PRKCH: variants seen among roughly 807,000 people sequenced by gnomAD.
The protein encoded by PRKCH is protein kinase C eta type.
PRKCH carries 28 observed loss-of-function variants against 82.5 expected under a neutral mutation model. That is an observed-to-expected ratio of 0.34 (90% CI 0.25 to 0.47). The LOEUF (loss-of-function observed/expected upper bound fraction) is 0.47, where lower values mean the gene tolerates loss of function less well. PRKCH is among the 20% of genes least tolerant of loss of function. PRKCH has a pLI of 1.00. For missense variants in PRKCH, 705 were observed against 881.8 expected (o/e 0.80, Z 2.54); for synonymous variants, 322 against 327.4 (o/e 0.98, Z 0.18).
chr14:61,224,478 C>T (rs2044680432), intron 1 of PRKCH, among the ~76,000 whole-genome samples: 1 of 152,132 alleles, frequency 6.6e-6, no homozygotes, highest in South Asian at 2.1e-4. Context: ...TCTTCTTTGG[C>T]TCCTTTTTGC....
intron 1 of PRKCH, chr14:61,305,217 C>T (rs985107999): frequency 3.3e-5 from 5 of 152,118 alleles, no homozygotes; most frequent in African/African-American, 1.2e-4. Context: ...GGGTCTCACT[C>T]TGTCCAGCAC....
chr14:61,363,252 G>A (rs1014967198), intron 1 of PRKCH, among the ~76,000 whole-genome samples: 5 of 152,172 alleles, frequency 3.3e-5, no homozygotes. Context: ...AGCTGATGGG[G>A]AACTGTTGAA....
rs779772715 is a variant in PRKCH, at chr14:61,457,158, G to A, written c.961-18G>A. ...CTTCTGCTGCAATTTCTGACTTAATGTGTTCTTACTCTTTCAGAAACTCGT... is the reference window on the plus strand; with the variant it reads ...CTTCTGCTGCAATTTCTGACTTAATATGTTCTTACTCTTTCAGAAACTCGT... On this transcript the variant is annotated intron_variant, in intron 7 of 13. Coordinates refer to ENST00000332981, the MANE Select transcript of PRKCH (RefSeq NM_006255.5). 7.4e-6 allele frequency: 12 copies of A among 1,612,752 alleles called. No individual in the cohort carries two copies. In the Admixed American group the frequency reaches 2.0e-4, roughly 27 times the overall value.
At chr14:61,478,432 T>G (rs1314759443) in intron 9 of PRKCH, among the ~76,000 whole-genome samples, 1 of 152,106 alleles carries the variant, frequency 6.6e-6, no homozygotes, top group Non-Finnish European at 1.5e-5. Context: ...GTGGTACCAA[T>G]AGCTTCTATT....
intron 1 of PRKCH, among the ~76,000 whole-genome samples, chr14:61,345,491 C>T (rs2045980463): frequency 6.6e-6 from 1 of 152,186 alleles, no homozygotes; most frequent in African/African-American, 2.4e-5. Flanking sequence ...TAGCTGTGAA[C>T]TGTGCATTAA....
chr14:61,341,895 A>C (rs2045933743), intron 1 of PRKCH, among the ~76,000 whole-genome samples: 1 of 152,316 alleles, frequency 6.6e-6, no homozygotes, highest in African/African-American at 2.4e-5. Context: ...TCATGAGTTC[A>C]GAGGCTTTGT....
intron 1 of PRKCH, among the ~76,000 whole-genome samples, chr14:61,222,339 T>TATTTATTATTTATTTGTTA (rs2044662382): frequency 6.6e-6 from 1 of 152,234 alleles, no homozygotes; most frequent in African/African-American, 2.4e-5. Context: ...TAGTGTGTGT[T>TATTTATTATTTATTTGTTA]TTTGTTATTT....
chr14:61,414,368 G>A (rs1004050954), intron 2 of PRKCH, among the ~76,000 whole-genome samples: 1 of 151,552 alleles, frequency 6.6e-6, no homozygotes, highest in Non-Finnish European at 1.5e-5. Context: ...CGCCTCCCAG[G>A]TTCAAGCTAC....
chr14:61,200,768 T>TA (rs1449726615), intron 1 of PRKCH, among the ~76,000 whole-genome samples: 2 of 124,726 alleles, frequency 1.6e-5, no homozygotes, highest in African/African-American at 6.8e-5. Flanking sequence ...TATTGTTAAG[T>TA]GTTCTATTTT....
At chr14:61,536,496 A>G (rs2043111383) in intron 12 of PRKCH, among the ~76,000 whole-genome samples, 1 of 152,040 alleles carries the variant, frequency 6.6e-6, no homozygotes, top group African/African-American at 2.4e-5. Flanking sequence ...CTCTCTCTAC[A>G]GTCTTAGTGT....
At position 61,322,418 on chromosome 14, in the gene PRKCH, A is replaced by C; in HGVS notation, c.317A>C (p.Gln106Pro). ...GTGGCCAACTGCACCCTGCAGTTCC[A>C]GGAGCTGCTGCGCACGACCGGCGCC... ...HFVANCTLQFQELLRTTGASD... is the reference protein window; with the variant it reads ...HFVANCTLQFPELLRTTGASD... The change falls in exon 1 of 14, where the codon CAG (glutamine) becomes CCG (proline). Residue 106 changes from glutamine (Q) to proline (P), a missense_variant. Coordinates refer to ENST00000332981, the MANE Select transcript of PRKCH (RefSeq NM_006255.5). The C allele has an allele frequency of 1.1e-5, 18 of 1,602,556 alleles. No homozygotes were observed. Among genetic ancestry groups the C allele is most frequent in the Non-Finnish European group, 1.5e-5 (18 of 1,170,888 alleles).
At chr14:61,325,525 G>A (rs1188980739) in intron 1 of PRKCH, among the ~76,000 whole-genome samples, 2 of 152,112 alleles carry the variant, frequency 1.3e-5, no homozygotes, top group East Asian at 3.8e-4. Flanking sequence ...ACTTCTATAA[G>A]AAAACAAAAT....
At position 61,500,802 on chromosome 14, in the gene PRKCH, G is replaced by A. The variant is rs114192788; in HGVS notation, c.1433+15146G>A. ...GTGAATTACCAAAGATGAAACATGGGCTGAGCACGGGGGTGGGATGGGGGA... is the reference window on the plus strand; with the variant it reads ...GTGAATTACCAAAGATGAAACATGGACTGAGCACGGGGGTGGGATGGGGGA... On this transcript the variant is annotated intron_variant, in intron 10 of 13. Transcript: ENST00000332981. Among the ~76,000 whole-genome samples the A allele has an allele frequency of 2.2e-3, 334 of 152,196 alleles. 3 individuals carry two copies. The highest frequency in any genetic ancestry group is 7.7e-3 in the African/African-American group (321 of 41,470).
At chr14:61,484,291 C>CTTTTTTTTTTTTTT (rs71449556) in intron 9 of PRKCH, among the ~76,000 whole-genome samples, 1 of 86,382 alleles carries the variant, frequency 1.2e-5, no homozygotes, top group African/African-American at 4.5e-5. Context: ...GCTTGTGTCA[C>CTTTTTTTTTTTTTT]TTTTTTTTTT....
chr14:61,418,548 G>A (rs1200344531), intron 2 of PRKCH, among the ~76,000 whole-genome samples: 2 of 152,220 alleles, frequency 1.3e-5, no homozygotes, highest in Non-Finnish European at 2.9e-5. Context: ...TAAGCATGGG[G>A]TAGGTGCTGG....
At chr14:61,409,010 A>G (rs1882113403) in intron 2 of PRKCH, among the ~76,000 whole-genome samples, 1 of 152,122 alleles carries the variant, frequency 6.6e-6, no homozygotes, top group South Asian at 2.1e-4. Context: ...CTGCTTTGTC[A>G]GTTTCCTGTT....
chr14:61,228,209 G>A (rs746381293), intron 1 of PRKCH, among the ~76,000 whole-genome samples: 3 of 152,202 alleles, frequency 2.0e-5, no homozygotes, highest in African/African-American at 4.8e-5. Flanking sequence ...ATTGAATCCC[G>A]AGGAGAGAAG....
intron 10 of PRKCH, 164 bp from the exon 11 acceptor site, chr14:61,528,911 A>G: frequency 1.7e-6 from 1 of 592,812 alleles, no homozygotes; most frequent in Non-Finnish European, 2.7e-6. Context: ...TCCAGATAGC[A>G]CAGAGAAGTT....
chr14:61,236,384 A>G (rs894711434), intron 1 of PRKCH, among the ~76,000 whole-genome samples: 1 of 152,164 alleles, frequency 6.6e-6, no homozygotes, highest in African/African-American at 2.4e-5. Flanking sequence ...TACAGGTCAT[A>G]AAGACCTTGC....
Sources: gnomAD v4.1 joint callset for allele counts (sites outside exome capture counted in the v4.1 genomes callset) on GRCh38, gnomAD v4.1.1 for gene constraint, MANE v1.5 for transcripts, NCBI Gene and HGNC (gene_info 2026-07-23, HGNC 2026-07-21) for gene names.